Variants in RGS7 observed in about 807,000 individuals in gnomAD.
RGS7 encodes regulator of G-protein signaling 7.
RGS7 carries 27 observed loss-of-function variants against 81.1 expected under a neutral mutation model. The observed-to-expected ratio is 0.33, with a 90% CI of 0.25 to 0.46. The LOEUF is 0.46. Among genes scored for constraint, RGS7 ranks in the 20% least tolerant of loss-of-function variants. The pLI, the probability that RGS7 is intolerant of heterozygous loss-of-function variation, is 1.00. For synonymous variants in RGS7, 208 were observed against 207.7 expected, an observed-to-expected ratio of 1.00 and a Z score of -0.01; for missense variants, 396 against 607.4, an observed-to-expected ratio of 0.65 and a Z score of 3.66.
intron 3 of RGS7, among the ~76,000 whole-genome samples, chr1:241,089,857 T>A (rs1452605541): frequency 1.1e-4 from 16 of 151,638 alleles, no homozygotes; most frequent in Admixed American, 1.1e-3. Flanking sequence ...TACAAAAAAA[T>A]TAGCCGGGCG....
At chr1:241,248,679 C>T (rs1017619384) in intron 2 of RGS7, among the ~76,000 whole-genome samples, 2 of 151,920 alleles carry the variant, frequency 1.3e-5, no homozygotes, top group Non-Finnish European at 2.9e-5. Flanking sequence ...AAATTCATTC[C>T]TAGAGTGAAC....
In RGS7 at chr1:241,298,544, C is replaced by T. The variant is rs75693851; in HGVS notation, c.78+57155G>A. ...CGCCTTCTGACACTACATTCCCTGA[C>T]GACACCTTCTACCATTGCTTCATTG... On this transcript the variant is annotated intron_variant, in intron 2 of 18. Transcript: ENST00000440928. Among the ~76,000 whole-genome samples the T allele has an allele frequency of 5.9e-3, 892 of 152,298 alleles. 4 individuals are homozygous for T. The highest frequency in any genetic ancestry group is 0.01 in the Non-Finnish European group (694 of 68,028).
intron 2 of RGS7, among the ~76,000 whole-genome samples, chr1:241,157,801 T>TTTTTC (rs199641312): frequency 1.2e-4 from 18 of 147,948 alleles, no homozygotes; most frequent in African/African-American, 2.3e-4. Context: ...TAAATAAACT[T>TTTTTC]TTTTCTTTTC....
rs1179746341 is a variant in RGS7, at chr1:240,907,676, AAAC to A, written c.385+23038_385+23040del. On this transcript the variant is annotated intron_variant, in intron 6 of 18. Transcript: ENST00000440928. ...GGTGTTAGTGAAAGGCCCTGTCTCT[AAAC>A]ATCCCACGTTGAGATAACTTCAATG... Among the ~76,000 whole-genome samples the A allele has an allele frequency of 2.0e-5, 3 of 152,198 alleles. 1 individual carries two copies. Among genetic ancestry groups the A allele is most frequent in the Non-Finnish European group, 2.9e-5 (2 of 68,024 alleles).
intron 2 of RGS7, among the ~76,000 whole-genome samples, chr1:241,184,818 T>C (rs1248284975): frequency 6.6e-6 from 1 of 152,142 alleles, no homozygotes; most frequent in Non-Finnish European, 1.5e-5. Context: ...GGATAACAGA[T>C]AGGCAACCTG....
At chr1:241,337,800 C>T (rs1299718611) in intron 2 of RGS7, among the ~76,000 whole-genome samples, 1 of 152,184 alleles carries the variant, frequency 6.6e-6, no homozygotes, top group Non-Finnish European at 1.5e-5. Context: ...TCCGTACATA[C>T]TCTTCCACCA....
chr1:240,845,876 T>C (rs1376252337), intron 9 of RGS7, among the ~76,000 whole-genome samples: 6 of 152,178 alleles, frequency 3.9e-5, no homozygotes, highest in Non-Finnish European at 5.9e-5. Context: ...ATGCTGGAAA[T>C]TGACAAGCTT....
At chr1:241,007,715 T>C (rs922079707) in intron 3 of RGS7, among the ~76,000 whole-genome samples, 1 of 152,160 alleles carries the variant, frequency 6.6e-6, no homozygotes, top group Non-Finnish European at 1.5e-5. Flanking sequence ...AGGATGATAC[T>C]TGAAATTTGA....
At chr1:241,178,454 A>G (rs1355251781) in intron 2 of RGS7, among the ~76,000 whole-genome samples, 1 of 152,200 alleles carries the variant, frequency 6.6e-6, no homozygotes, top group Non-Finnish European at 1.5e-5. Context: ...TTAAACATAG[A>G]GAAACAACCA....
chr1:241,034,798 TA>T (rs1247707063), intron 3 of RGS7, among the ~76,000 whole-genome samples: 2 of 152,168 alleles, frequency 1.3e-5, no homozygotes, highest in Non-Finnish European at 2.9e-5. Context: ...GCCATCATAC[TA>T]ATGTTAAATA....
Position 240,776,190 on chromosome 1 carries a change from C to A in RGS7, c.*30G>T, listed in dbSNP as rs1169249811. On this transcript the variant is annotated 3_prime_UTR_variant, in exon 19 of 19. Transcript: ENST00000440928. ...AGTAAGACTGAGCAAGGCTTGTTAA[C>A]CTCTTGGACGTGAGAGATTTCCCCT... The A allele has an allele frequency of 6.2e-7, 1 of 1,611,806 alleles. No homozygotes were observed. Among genetic ancestry groups the A allele is most frequent in the African/African-American group, 1.3e-5 (1 of 74,838 alleles).
At chr1:241,062,263 C>T (rs562026646) in intron 3 of RGS7, among the ~76,000 whole-genome samples, 1 of 152,198 alleles carries the variant, frequency 6.6e-6, no homozygotes, top group Non-Finnish European at 1.5e-5. Flanking sequence ...GATGATTTAA[C>T]CAAGACTGCA....
chr1:240,999,479 G>A (rs552474478), intron 3 of RGS7, among the ~76,000 whole-genome samples: 22 of 152,132 alleles, frequency 1.4e-4, no homozygotes, highest in Non-Finnish European at 3.2e-4. Flanking sequence ...AGTTTGTCAT[G>A]GATACTTCAA....
Position 240,782,043 on chromosome 1 carries a change from G to T in RGS7, c.*7-5830C>A, listed in dbSNP as rs543857893. On this transcript the variant is annotated intron_variant, in intron 18 of 18. Transcript: ENST00000440928. Reference sequence around the variant, plus strand: ...AAAAAAAAAAGAGATCTTAAGTGCAGCACTGAGGTCAAAGCAGACAGCATG... The same window carrying T: ...AAAAAAAAAAGAGATCTTAAGTGCATCACTGAGGTCAAAGCAGACAGCATG... 3.9e-5 allele frequency among the ~76,000 whole-genome samples: 6 copies of T among 152,002 alleles called. No individual in the cohort carries two copies. The East Asian group carries it at 1.2e-3, about 29-fold the overall frequency.
At chr1:240,988,903 T>G (rs1190778588) in intron 3 of RGS7, among the ~76,000 whole-genome samples, 2 of 152,202 alleles carry the variant, frequency 1.3e-5, no homozygotes, top group Non-Finnish European at 2.9e-5. Context: ...GGTGCTTCCT[T>G]GGTAAATATG....
intron 3 of RGS7, among the ~76,000 whole-genome samples, chr1:241,039,922 G>T (rs764265853): frequency 6.6e-6 from 1 of 152,188 alleles, no homozygotes; most frequent in Non-Finnish European, 1.5e-5. Flanking sequence ...CTAAGATTCA[G>T]GGACTTTGCT....
At chr1:241,028,540 G>C (rs562329789) in intron 3 of RGS7, among the ~76,000 whole-genome samples, 1 of 152,098 alleles carries the variant, frequency 6.6e-6, no homozygotes, top group Non-Finnish European at 1.5e-5. Context: ...CTGAGATGCC[G>C]GTGAAACAGG....
rs145288048 is a variant in RGS7 at position 241,240,245 on chromosome 1, C to T, written c.78+115454G>A. Among the ~76,000 whole-genome samples, 473 of 152,254 alleles carry T rather than the reference C, an allele frequency of 3.1e-3. 7 individuals carry two copies. The highest frequency in any genetic ancestry group is 0.014 in the Middle Eastern group (4 of 294). On this transcript the variant is annotated intron_variant, in intron 2 of 18. Coordinates refer to ENST00000440928, the MANE Select transcript of RGS7 (RefSeq NM_001364886.1). Reference sequence around the variant, plus strand: ...TGGACACTGACACAGGCAAGTCCCTCGGTGGGCACCCAGGCAGAATGAGAA... The same window carrying T: ...TGGACACTGACACAGGCAAGTCCCTTGGTGGGCACCCAGGCAGAATGAGAA...
chr1:241,267,079 C>A (rs568786675), intron 2 of RGS7, among the ~76,000 whole-genome samples: 4 of 152,268 alleles, frequency 2.6e-5, no homozygotes, highest in African/African-American at 9.6e-5. Flanking sequence ...GCCTTCTAAC[C>A]ACAGGTGGTC....
Sources: gnomAD v4.1 joint callset for allele counts (sites outside exome capture counted in the v4.1 genomes callset) on GRCh38, gnomAD v4.1.1 for gene constraint, MANE v1.5 for transcripts, NCBI Gene and HGNC (gene_info 2026-07-23, HGNC 2026-07-21) for gene names.